The following MXI1 variants were observed in gnomAD, a reference collection of about 807,000 sequenced individuals.
MXI1 encodes max-interacting protein 1.
Under a neutral mutation model 36.9 loss-of-function variants are expected in MXI1, and 18 were observed. The observed-to-expected ratio is 0.49, with a 90% confidence interval of 0.34 to 0.72. The LOEUF (loss-of-function observed/expected upper bound fraction) is 0.72, where lower values mean the gene tolerates loss of function less well. MXI1 is among the 30% of genes least tolerant of loss of function. The pLI, the probability that MXI1 is intolerant of heterozygous loss-of-function variation, is 0.01. For missense variants in MXI1, 304 were observed against 379.1 expected, an observed-to-expected ratio of 0.80 and a Z score of 1.64; for synonymous variants, 160 against 146.7, an observed-to-expected ratio of 1.09 and a Z score of -0.65.
intron 3 of MXI1, among the ~76,000 whole-genome samples, chr10:110,254,330 G>T (rs1487460172): frequency 6.6e-6 from 1 of 152,206 alleles, no homozygotes; most frequent in South Asian, 2.1e-4. Context: ...CATATAAGAT[G>T]CAGACTTAAT....
intron 3 of MXI1, among the ~76,000 whole-genome samples, chr10:110,255,251 A>G (rs1353091289): frequency 6.6e-6 from 1 of 152,208 alleles, no homozygotes; most frequent in Non-Finnish European, 1.5e-5. Flanking sequence ...ATGACAGCAC[A>G]TTGTTTATAG....
At chr10:110,255,021 G>C (rs1391571484) in intron 3 of MXI1, among the ~76,000 whole-genome samples, 1 of 151,986 alleles carries the variant, frequency 6.6e-6, no homozygotes, top group Non-Finnish European at 1.5e-5. Context: ...ATGCCATCCA[G>C]GACTTTCATA....
At chr10:110,216,002 G>A (rs1020522796) in intron 1 of MXI1, among the ~76,000 whole-genome samples, 5 of 152,340 alleles carry the variant, frequency 3.3e-5, no homozygotes, top group Admixed American at 2.0e-4. Context: ...CATTGTACCC[G>A]AGTGGCCTGG....
chr10:110,223,368 G>A (rs547779712), intron 1 of MXI1, among the ~76,000 whole-genome samples: 11 of 152,258 alleles, frequency 7.2e-5, no homozygotes, highest in Non-Finnish European at 8.8e-5. Context: ...CGAGTCACGA[G>A]GTCAGGAGTT....
chr10:110,268,748 C>G (rs1344242016), intron 3 of MXI1, among the ~76,000 whole-genome samples: 7 of 151,112 alleles, frequency 4.6e-5, no homozygotes, highest in Admixed American at 1.3e-4. Context: ...CAGTTGGGCC[C>G]TTTGTGGTCA....
intron 1 of MXI1, among the ~76,000 whole-genome samples, chr10:110,208,744 C>G (rs1564701877): frequency 1.3e-5 from 2 of 148,304 alleles, no homozygotes; most frequent in Non-Finnish European, 3.0e-5. Flanking sequence ...ACCGCCGCCC[C>G]CCCCCCCCCA....
intron 1 of MXI1, among the ~76,000 whole-genome samples, chr10:110,220,331 A>T (rs1396037531): frequency 6.6e-6 from 1 of 152,234 alleles, no homozygotes; most frequent in Non-Finnish European, 1.5e-5. Context: ...GTATTGTTCT[A>T]GGATCTAGGG....
rs1313575439 is a variant in MXI1 at position 110,286,465 on chromosome 10, TAAATA to T, written c.*1480_*1484del. ...CTGGCTGTTTGGACTTTGTATACTT[TAAATA>T]ATTTAACTACCCTTAATTACTTAAA... On this transcript the variant is annotated 3_prime_UTR_variant, in exon 6 of 6. Transcript: ENST00000332674. 6.8e-6 allele frequency: 1 copy of T among 146,060 alleles called. No homozygotes were observed. The highest frequency in any genetic ancestry group is 2.0e-4 in the East Asian group (1 of 4,942). 9.0% of individuals were successfully genotyped at this position (146,060 alleles called of 1,614,324 possible). A position where few individuals can be genotyped will look rare whatever the true frequency, so the allele number is the denominator to read the frequency against.
chr10:110,247,958 G>A (rs1402785288), intron 3 of MXI1, among the ~76,000 whole-genome samples: 1 of 152,140 alleles, frequency 6.6e-6, no homozygotes, highest in Non-Finnish European at 1.5e-5. Context: ...ATGTCCAACA[G>A]TGATAGACTG....
intron 2 of MXI1, 136 bp from the exon 3 acceptor site, chr10:110,244,692 T>G: frequency 1.6e-6 from 1 of 621,266 alleles, no homozygotes; most frequent in Non-Finnish European, 2.8e-6. Flanking sequence ...TCTCGATGAG[T>G]GAGCTTGTAG....
intron 2 of MXI1, among the ~76,000 whole-genome samples, chr10:110,233,560 G>A (rs1855349966): frequency 6.6e-6 from 1 of 151,810 alleles, no homozygotes; most frequent in Non-Finnish European, 1.5e-5. Flanking sequence ...TAGTTTCTGG[G>A]TCTTTGTTCC....
chr10:110,250,184 C>G (rs112576916), intron 3 of MXI1, among the ~76,000 whole-genome samples: 7,946 of 152,054 alleles, frequency 0.052, 322 homozygotes, highest in Middle Eastern at 0.15. Context: ...TGATATCTGC[C>G]CAAATCCTTG....
At chr10:110,226,469 G>C in intron 1 of MXI1, 1 of 200,250 alleles carries the variant, frequency 5.0e-6, no homozygotes, top group Non-Finnish European at 6.1e-6. Context: ...GGCGTGTGGG[G>C]AGGGGAGCGC....
At chr10:110,211,168 A>G (rs1218498238) in intron 1 of MXI1, among the ~76,000 whole-genome samples, 1 of 149,602 alleles carries the variant, frequency 6.7e-6, no homozygotes, top group Non-Finnish European at 1.5e-5. Context: ...GAGTTCCCCT[A>G]TAATCACTTG....
rs11195053 is a variant in MXI1 at position 110,264,606 on chromosome 10, C to T, written c.438-14574C>T. Among the ~76,000 whole-genome samples the T allele has an allele frequency of 2.2e-3, 332 of 152,134 alleles. 11 individuals are homozygous for T. In the East Asian group the frequency reaches 0.047, roughly 21 times the overall value. ...GTCTCAAACTCCTGACCTCGTGATCCGCCTGCCTCAGCCTCCCAAAGTGCT... is the reference window on the plus strand; with the variant it reads ...GTCTCAAACTCCTGACCTCGTGATCTGCCTGCCTCAGCCTCCCAAAGTGCT... On this transcript the variant is annotated intron_variant, in intron 3 of 5. Coordinates refer to ENST00000332674, the MANE Select transcript of MXI1 (RefSeq NM_130439.3).
In MXI1 at chr10:110,279,387, C is replaced by T. The variant is rs1857153892; in HGVS notation, c.552+93C>T. Reference sequence around the variant, plus strand: ...TATTCATATACATCAGCTAGTTCACCATGCCCTCCTTAATAACTGACCTCA... The same window carrying T: ...TATTCATATACATCAGCTAGTTCACTATGCCCTCCTTAATAACTGACCTCA... On this transcript the variant is annotated intron_variant, in intron 4 of 5. Coordinates refer to ENST00000332674, the MANE Select transcript of MXI1 (RefSeq NM_130439.3). 2.9e-6 allele frequency: 3 copies of T among 1,028,712 alleles called. No homozygotes were observed. The Admixed American group carries it at 5.9e-5, about 20-fold the overall frequency. The allele number at this position is 1,028,712 out of a possible 1,614,324, so 63.7% of individuals were successfully genotyped here.
intron 2 of MXI1, among the ~76,000 whole-genome samples, chr10:110,235,276 CT>C (rs1040792636): frequency 1.3e-5 from 2 of 152,106 alleles, no homozygotes; most frequent in Non-Finnish European, 2.9e-5. Flanking sequence ...AAATGAGATA[CT>C]TTGTAGTACT....
In MXI1 at chr10:110,223,366, G is replaced by T. The variant is rs957180975; in HGVS notation, c.275-4823G>T. 2.0e-5 allele frequency among the ~76,000 whole-genome samples: 3 copies of T among 152,212 alleles called. No homozygotes were observed. The South Asian group carries it at 6.2e-4, about 32-fold the overall frequency. On this transcript the variant is annotated intron_variant, in intron 1 of 5. Transcript: ENST00000332674. The stretch of plus-strand genomic sequence containing the variant: ...TGGGAGGCTGAGGTGGGCGAGTCAC[G>T]AGGTCAGGAGTTTGAGACCAGTGTG...
intron 3 of MXI1, among the ~76,000 whole-genome samples, chr10:110,245,194 A>G (rs911731342): frequency 6.6e-5 from 10 of 152,274 alleles, no homozygotes; most frequent in Non-Finnish European, 1.2e-4. Flanking sequence ...GGTAATAAGC[A>G]TTACAAATTG....
Sources: allele counts gnomAD v4.1 joint callset (sites outside exome capture counted in the v4.1 genomes callset), GRCh38; gene constraint gnomAD v4.1.1; transcripts MANE v1.5; gene names NCBI Gene and HGNC (gene_info 2026-07-23, HGNC 2026-07-21).